The following TRIT1 variants were observed in gnomAD, a reference collection of about 807,000 sequenced individuals.
TRIT1 encodes the protein tRNA dimethylallyltransferase.
In TRIT1, 43 loss-of-function variants were observed where a neutral mutation model predicts 51.2. The ratio of observed to expected loss-of-function variants is 0.84; its 90% CI spans 0.66 to 1.08. The LOEUF is 1.08. Among genes scored for constraint, TRIT1 ranks in the 50% least tolerant of loss-of-function variants. The pLI is 0.00. For missense variants in TRIT1, 528 were observed against 578.4 expected (o/e 0.91, Z 0.89); for synonymous variants, 184 against 203.9 (o/e 0.90, Z 0.83).
rs373891890 is a variant in TRIT1 at position 39,857,407 on chromosome 1, C to G, written c.185G>C (p.Gly62Ala). The G allele has an allele frequency of 1.2e-6, 2 of 1,613,656 alleles. No individual in the cohort carries two copies. The highest frequency in any genetic ancestry group is 1.7e-6 in the Non-Finnish European group (2 of 1,179,870). The change falls in exon 2 of 11, where the codon GGC becomes GCC. Residue 62 changes from glycine (G) to alanine (A), a missense_variant. Gly to Ala is a moderately conservative substitution (Grantham distance 60). Around this residue, in one of 3 missense-constraint regions of TRIT1, gnomAD observed 468 missense variants for 522.6 expected, o/e 0.90. Coordinates refer to ENST00000316891, the MANE Select transcript of TRIT1 (RefSeq NM_017646.6). The part of the protein sequence containing the change: ...VSADSMQVYE[G>A]LDIITNKVSA... Reference sequence around the variant, plus strand: ...AACCTTGTTGGTGATGATGTCTAGGCCTTCATAGACCTAGGGGAAAGAAAA... The same window carrying G: ...AACCTTGTTGGTGATGATGTCTAGGGCTTCATAGACCTAGGGGAAAGAAAA...
chr1:39,866,673 C>T (rs930142733), intron 1 of TRIT1, among the ~76,000 whole-genome samples: 1 of 152,146 alleles, frequency 6.6e-6, no homozygotes, highest in Middle Eastern at 3.4e-3. Flanking sequence ...CATTAAGATG[C>T]TCAGAAAGCA....
chr1:39,865,893 A>T (rs1643517432), intron 1 of TRIT1, among the ~76,000 whole-genome samples: 1 of 151,030 alleles, frequency 6.6e-6, no homozygotes, highest in South Asian at 2.1e-4. Flanking sequence ...GTGATAAAGG[A>T]AAGAAAAGAA....
At chr1:39,859,253 T>G (rs866583047) in intron 1 of TRIT1, among the ~76,000 whole-genome samples, 6 of 84,834 alleles carry the variant, frequency 7.1e-5, no homozygotes, top group Middle Eastern at 0.016. Flanking sequence ...GAGACTCGAC[T>G]CCGTCTCAAA....
In TRIT1 at chr1:39,841,867, T is replaced by C. The variant is rs958461914; in HGVS notation, c.1281A>G (p.Arg427=). 7 of 1,613,922 alleles carry C rather than the reference T, an allele frequency of 4.3e-6. No individual in the cohort carries two copies. The Admixed American group carries it at 8.3e-5, about 19-fold the overall frequency. ...KSHLNQLKKR[R]RLDSDAVNTI... Reference sequence around the variant, plus strand: ...TGTTGACAGCATCTGAGTCCAATCTTCTTCTTTTCTTCAGTTGGTTCAAGT... The same window carrying C: ...TGTTGACAGCATCTGAGTCCAATCTCCTTCTTTTCTTCAGTTGGTTCAAGT... Residue 427 remains arginine, a synonymous_variant, in exon 11 of 11, where the codon AGA becomes AGG. Transcript: ENST00000316891.
chr1:39,865,993 G>A (rs879518608), intron 1 of TRIT1, among the ~76,000 whole-genome samples: 2 of 145,790 alleles, frequency 1.4e-5, no homozygotes, highest in Non-Finnish European at 3.0e-5. Context: ...AAGAAAGAAA[G>A]GGAGGAAAGA....
intron 1 of TRIT1, among the ~76,000 whole-genome samples, chr1:39,868,601 G>A (rs6656345): frequency 0.012 from 1,693 of 142,996 alleles, 22 homozygotes; most frequent in African/African-American, 0.042. Context: ...CCAAGATCGC[G>A]CCATTGCACT....
Position 39,844,562 on chromosome 1 carries a change from G to A in TRIT1, c.1085C>T (p.Pro362Leu). Residue 362 changes from proline to leucine, a missense_variant, in exon 9 of 11, where the codon CCT becomes CTT. Physicochemically the swap from Pro to Leu is moderately conservative, Grantham distance 98. Coordinates refer to ENST00000316891, the MANE Select transcript of TRIT1 (RefSeq NM_017646.6). ...GAAACTTTGCACGATTTCAAGAGCA[G>A]GTTCAAGAACAGACTCTTCCCACTT... ...VSKWEESVLEPALEIVQSFIQ... is the reference protein window; with the variant it reads ...VSKWEESVLELALEIVQSFIQ... 2 of 1,614,018 alleles carry A rather than the reference G, an allele frequency of 1.2e-6. No homozygotes were observed. The highest frequency in any genetic ancestry group is 8.5e-7 in the Non-Finnish European group (1 of 1,179,892).
At chr1:39,850,983 T>C (rs570604737) in intron 4 of TRIT1, among the ~76,000 whole-genome samples, 2 of 152,358 alleles carry the variant, frequency 1.3e-5, no homozygotes, top group East Asian at 3.9e-4. Flanking sequence ...GTATCTATTA[T>C]GTTATGCAGC....
intron 1 of TRIT1, among the ~76,000 whole-genome samples, chr1:39,858,725 A>G (rs894796223): frequency 2.0e-5 from 3 of 152,210 alleles, no homozygotes; most frequent in Admixed American, 2.0e-4. Context: ...AAACAGTAAA[A>G]CAGCATATAA....
At chr1:39,844,725 A>AT in intron 8 of TRIT1, 85 bp from the exon 9 acceptor site, 1 of 929,966 alleles carries the variant, frequency 1.1e-6, no homozygotes, top group Non-Finnish European at 1.7e-6. Context: ...CTCCAGGGAA[A>AT]TACACAGAGC....
chr1:39,850,249 A>G lies in TRIT1; in HGVS notation c.573T>C (p.Val191=), dbSNP rs776079122. Reference sequence around the variant, plus strand: ...TATGAGAGATTCCTGTTTCTTCAAAAACTTGCAAGCTCCTAAGTAATTTAA... The same window carrying G: ...TATGAGAGATTCCTGTTTCTTCAAAGACTTGCAAGCTCCTAAGTAATTTAA... ...DKRKVARSLQ[V]FEETGISHSE... is the part of the protein sequence containing the mutation. The change falls in exon 5 of 11, where the codon GTT becomes GTC. Residue 191 remains valine, a synonymous_variant. Coordinates refer to ENST00000316891, the MANE Select transcript of TRIT1 (RefSeq NM_017646.6). 6.2e-6 allele frequency: 10 copies of G among 1,614,198 alleles called. No homozygotes were observed. The highest frequency in any genetic ancestry group is 5.9e-6 in the Non-Finnish European group (7 of 1,180,028).
At chr1:39,864,907 C>A (rs1250547624) in intron 1 of TRIT1, among the ~76,000 whole-genome samples, 1 of 152,202 alleles carries the variant, frequency 6.6e-6, no homozygotes, top group Non-Finnish European at 1.5e-5. Flanking sequence ...GGTTCCTTCC[C>A]TGCAAGTTAT....
At chr1:39,849,753 T>C (rs767339972) in intron 5 of TRIT1, among the ~76,000 whole-genome samples, 6 of 152,230 alleles carry the variant, frequency 3.9e-5, no homozygotes, top group Non-Finnish European at 7.3e-5. Flanking sequence ...AGCAAGCTAA[T>C]TATAAGGCAT....
At chr1:39,866,950 C>A (rs1643590991) in intron 1 of TRIT1, among the ~76,000 whole-genome samples, 1 of 152,130 alleles carries the variant, frequency 6.6e-6, no homozygotes, top group African/African-American at 2.4e-5. Flanking sequence ...ATGATTGCAC[C>A]ACTGCACTCC....
At chr1:39,875,463 G>A (rs1644019473) in intron 1 of TRIT1, among the ~76,000 whole-genome samples, 1 of 152,006 alleles carries the variant, frequency 6.6e-6, no homozygotes, top group Non-Finnish European at 1.5e-5. Context: ...ACTCCAGCCT[G>A]GGTGACAGAG....
At chr1:39,853,108 G>C (rs1302863766) in intron 3 of TRIT1, among the ~76,000 whole-genome samples, 1 of 152,186 alleles carries the variant, frequency 6.6e-6, no homozygotes, top group Non-Finnish European at 1.5e-5. Context: ...TTGCTTCCCT[G>C]TCAGAAGTTC....
Position 39,841,093 on chromosome 1 carries a change from G to A in TRIT1, c.*651C>T, listed in dbSNP as rs1437779301. On this transcript the variant is annotated 3_prime_UTR_variant, in exon 11 of 11. Coordinates refer to ENST00000316891, the MANE Select transcript of TRIT1 (RefSeq NM_017646.6). ...TTATTTAAACTTCAATAAAAATATA[G>A]ATTTGTAACTCAATAGAAAGACAGC... The A allele has an allele frequency of 1.3e-5, 2 of 152,130 alleles. No individual in the cohort carries two copies. Among genetic ancestry groups the A allele is most frequent in the East Asian group, 3.8e-4 (2 of 5,198 alleles). 9.4% of individuals were successfully genotyped at this position (152,130 alleles called of 1,614,324 possible).
At chr1:39,873,729 T>G (rs191991337) in intron 1 of TRIT1, among the ~76,000 whole-genome samples, 1 of 152,280 alleles carries the variant, frequency 6.6e-6, no homozygotes, top group African/African-American at 2.4e-5. Context: ...TGTGTAAATC[T>G]ACAACTATTT....
intron 2 of TRIT1, among the ~76,000 whole-genome samples, chr1:39,854,972 C>G (rs1642811740): frequency 6.6e-6 from 1 of 152,040 alleles, no homozygotes; most frequent in African/African-American, 2.4e-5. Context: ...CTCCCGCCAC[C>G]AAGTAGCTGG....
Sources: allele counts gnomAD v4.1 joint callset (sites outside exome capture counted in the v4.1 genomes callset), GRCh38; gene constraint gnomAD v4.1.1; regional missense constraint gnomAD v4.1.1; transcripts MANE v1.5; gene names NCBI Gene and HGNC (gene_info 2026-07-23, HGNC 2026-07-21).